KAT14: variants seen among roughly 807,000 people sequenced by gnomAD.
KAT14 encodes lysine acetyltransferase 14, also known as cysteine-rich protein 2-binding protein.
In KAT14, 66 loss-of-function variants were observed where a neutral mutation model predicts 78.4. The ratio of observed to expected loss-of-function variants is 0.84; its 90% CI spans 0.69 to 1.03. The LOEUF (loss-of-function observed/expected upper bound fraction) is 1.03, where lower values mean the gene tolerates loss of function less well. KAT14 is among the 50% of genes least tolerant of loss of function. The pLI is 0.00. For synonymous variants in KAT14, 344 were observed against 359.4 expected (o/e 0.96, Z 0.48); for missense variants, 870 against 972.5 (o/e 0.89, Z 1.40).
Position 18,183,217 on chromosome 20 carries a change from G to A in KAT14, c.1900G>A (p.Asp634Asn), listed in dbSNP as rs1431184183. The A allele has an allele frequency of 9.9e-6, 16 of 1,614,082 alleles. No individual in the cohort carries two copies. Among genetic ancestry groups the A allele is most frequent in the Middle Eastern group, 1.6e-4 (1 of 6,062 alleles). ...RSDPHWTPEP[D>N]APLDYCYVRP... is the part of the protein sequence containing the mutation. Reference sequence around the variant, plus strand: ...CGACCCTCACTGGACGCCGGAGCCCGACGCACCTCTCGATTACTGTTATGT... The same window carrying A: ...CGACCCTCACTGGACGCCGGAGCCCAACGCACCTCTCGATTACTGTTATGT... The change falls in exon 9 of 11, where the codon GAC (aspartate) becomes AAC (asparagine). Residue 634 changes from aspartate to asparagine, a missense_variant. Transcript: ENST00000688188.
intron 3 of KAT14, among the ~76,000 whole-genome samples, chr20:18,148,603 ATTTTTTTTTG>A (rs2037916136): frequency 7.0e-6 from 1 of 142,870 alleles, no homozygotes; most frequent in African/African-American, 2.6e-5. Flanking sequence ...ACTGGGGTTC[ATTTTTTTTTG>A]TTTTTTTTTT....
intron 8 of KAT14, among the ~76,000 whole-genome samples, chr20:18,182,761 G>A (rs988027103): frequency 1.3e-5 from 2 of 152,148 alleles, no homozygotes; most frequent in Non-Finnish European, 2.9e-5. Context: ...TGTGTCTCTG[G>A]TGTTCCCCAA....
At chr20:18,167,585 T>A (rs904431329) in intron 7 of KAT14, among the ~76,000 whole-genome samples, 3 of 152,222 alleles carry the variant, frequency 2.0e-5, no homozygotes. Context: ...TCTTGACTTT[T>A]GAAATGATGT....
chr20:18,144,275 T>G (rs2037732565), intron 2 of KAT14, among the ~76,000 whole-genome samples: 1 of 152,244 alleles, frequency 6.6e-6, no homozygotes, highest in African/African-American at 2.4e-5. Context: ...GTTATTGATT[T>G]CAGGTTCTGC....
chr20:18,183,661 GT>G lies in KAT14; in HGVS notation c.1981+367del, dbSNP rs556161566. On this transcript the variant is annotated intron_variant, in intron 9 of 10. Coordinates refer to ENST00000688188, the MANE Select transcript of KAT14 (RefSeq NM_001392073.1). ...TGTTTTTGGCTTAATAATTCTTTAT[GT>G]TTTGTTTATTTAGCTGTTCCTTAGA... The G allele has an allele frequency of 1.9e-3, 961 of 517,044 alleles. 3 individuals are homozygous for G. Among genetic ancestry groups the G allele is most frequent in the African/African-American group, 0.012 (580 of 48,164 alleles). 32.0% of individuals were successfully genotyped at this position (517,044 alleles called of 1,614,324 possible).
chr20:18,184,503 T>TTTTTG, intron 9 of KAT14, 99 bp from the exon 10 acceptor site: 1 of 1,060,472 alleles, frequency 9.4e-7, no homozygotes, highest in African/African-American at 1.7e-5. Context: ...TTTTTTTTTT[T>TTTTTG]AGCATGCAGG....
rs1379140195 is a variant in KAT14, at chr20:18,183,166, C to A, written c.1849C>A (p.Gln617Lys). 5.6e-6 allele frequency: 9 copies of A among 1,613,424 alleles called. No individual in the cohort carries two copies. The highest frequency in any genetic ancestry group is 7.6e-6 in the Non-Finnish European group (9 of 1,179,736). The part of the protein sequence containing the change: ...TKPPKLQLLS[Q>K]IRSHLHRSDP... ...GCCACCCAAACTGCAGCTCCTGTCA[C>A]AGATTCGTTCCCACCTGCACAGGAG... The change falls in exon 9 of 11, where the codon CAG becomes AAG. Residue 617 changes from glutamine to lysine, a missense_variant. Coordinates refer to ENST00000688188, the MANE Select transcript of KAT14 (RefSeq NM_001392073.1).
rs770214130 is a variant in KAT14, at chr20:18,137,924, G to A, written c.-581G>A. ...GGCGGCCTCTGCGCCTCGGGCGGGC[G>A]GGAGAGAGAGGCCGCGGCCGCCAGC... is the stretch of plus-strand genomic sequence containing the variant. On this transcript the variant is annotated 5_prime_UTR_variant, in exon 1 of 11. Coordinates refer to ENST00000688188, the MANE Select transcript of KAT14 (RefSeq NM_001392073.1). The A allele has an allele frequency of 1.1e-4, 156 of 1,471,588 alleles. 1 individual carries two copies. The highest frequency in any genetic ancestry group is 7.1e-4 in the South Asian group (55 of 77,616). 91.2% of individuals were successfully genotyped at this position (1,471,588 alleles called of 1,614,324 possible). A position where few individuals can be genotyped will look rare whatever the true frequency, so the allele number is the denominator to read the frequency against.
rs2038956904 is a variant in KAT14, at chr20:18,174,305, C to T, written c.1669-7405C>T. ...GTATACAAGTTTTTGTGTGGACACA[C>T]ATTTTTATTTCTCTGAGTGTAGATC... On this transcript the variant is annotated intron_variant, in intron 7 of 10. Transcript: ENST00000688188. 5.3e-5 allele frequency among the ~76,000 whole-genome samples: 8 copies of T among 152,300 alleles called. No individual in the cohort carries two copies. The South Asian group carries it at 1.7e-3, about 32-fold the overall frequency.
At chr20:18,138,148 C>T (rs996940926) in intron 1 of KAT14, 97 bp downstream of exon 1, 38 of 1,340,898 alleles carry the variant, frequency 2.8e-5, no homozygotes, top group South Asian at 1.3e-4. Flanking sequence ...AGCTCCTCTT[C>T]GTGTCTTTCC....
chr20:18,184,488 T>TTG, intron 9 of KAT14, 114 bp from the exon 10 acceptor site: 11 of 732,296 alleles, frequency 1.5e-5, no homozygotes, highest in Non-Finnish European at 2.1e-5. Flanking sequence ...TTTTGGTGTT[T>TTG]TTTTTTTTTT....
chr20:18,155,087 A>G (rs748268323), intron 4 of KAT14, among the ~76,000 whole-genome samples: 3 of 152,132 alleles, frequency 2.0e-5, no homozygotes, highest in Non-Finnish European at 4.4e-5. Flanking sequence ...GTTTCACCTT[A>G]TTGGTCAGGC....
chr20:18,163,233 A>C (rs2038514012), intron 7 of KAT14, among the ~76,000 whole-genome samples: 1 of 152,116 alleles, frequency 6.6e-6, no homozygotes, highest in Non-Finnish European at 1.5e-5. Context: ...CTCTCTGAGG[A>C]TAGATATGCA....
intron 7 of KAT14, among the ~76,000 whole-genome samples, chr20:18,173,222 G>C (rs2038914171): frequency 6.6e-6 from 1 of 152,218 alleles, no homozygotes; most frequent in Non-Finnish European, 1.5e-5. Context: ...TTCTGGAGGT[G>C]AACCTTGTGG....
intron 7 of KAT14, among the ~76,000 whole-genome samples, chr20:18,171,063 CA>C (rs1600232898): frequency 6.6e-6 from 1 of 152,118 alleles, no homozygotes; most frequent in Admixed American, 6.5e-5. Context: ...TAGATCTGGG[CA>C]AAGACATTGA....
intron 5 of KAT14, among the ~76,000 whole-genome samples, chr20:18,160,694 GCCTCTCCTT>G (rs1367365302): frequency 6.6e-6 from 1 of 152,146 alleles, no homozygotes; most frequent in Middle Eastern, 3.4e-3. Context: ...TGATCCTCCA[GCCTCTCCTT>G]CCAAAAGTGC....
At position 18,161,960 on chromosome 20, in the gene KAT14, CAGA is replaced by C; in HGVS notation, c.823_825del (p.Lys275del). ...GGAAGCAAAAGACATTAGAAGAGCC[CAGA>C]AGGAGGCCGCTGGCTTTCTTGACAG... On this transcript the variant is annotated inframe_deletion, in exon 6 of 11. Transcript: ENST00000688188. 2 of 1,614,232 alleles carry C rather than the reference CAGA, an allele frequency of 1.2e-6. No individual in the cohort carries two copies. Among genetic ancestry groups the C allele is most frequent in the South Asian group, 1.1e-5 (1 of 91,086 alleles).
chr20:18,183,340 C>T (rs751954776), intron 9 of KAT14, 42 bp downstream of exon 9: 3 of 1,571,022 alleles, frequency 1.9e-6, no homozygotes, highest in South Asian at 2.4e-5. Context: ...TTTTTCTGTA[C>T]AGTCCATTCT....
At chr20:18,180,432 C>T (rs1240375802) in intron 7 of KAT14, among the ~76,000 whole-genome samples, 1 of 152,194 alleles carries the variant, frequency 6.6e-6, no homozygotes, top group East Asian at 1.9e-4. Flanking sequence ...TAGGAAGTTC[C>T]AAACTTTCCC....
Sources: gnomAD v4.1 joint callset for allele counts (sites outside exome capture counted in the v4.1 genomes callset) on GRCh38, gnomAD v4.1.1 for gene constraint, MANE v1.5 for transcripts, NCBI Gene and HGNC (gene_info 2026-07-23, HGNC 2026-07-21) for gene names.